Variants in CFAP61 observed in about 807,000 individuals in gnomAD.
The protein encoded by CFAP61 is cilia and flagella associated protein 61, also known as cilia- and flagella-associated protein 61.
A neutral mutation model predicts 135.6 loss-of-function variants in CFAP61; 107 were observed. That is an observed-to-expected ratio of 0.79 (90% confidence interval 0.67 to 0.93). CFAP61 has a LOEUF of 0.93. Among genes scored for constraint, CFAP61 ranks in the 40% least tolerant of loss-of-function variants. The probability of loss-of-function intolerance (pLI) is 0.00; values close to 1 mark genes in which losing one functional copy is unlikely to be tolerated. For missense variants in CFAP61, 1,507 were observed against 1,556.2 expected (o/e 0.97, Z 0.53); for synonymous variants, 575 against 578.5 (o/e 0.99, Z 0.09).
intron 2 of CFAP61, among the ~76,000 whole-genome samples, chr20:20,068,528 G>A (rs932554137): frequency 1.3e-5 from 2 of 152,142 alleles, no homozygotes; most frequent in Non-Finnish European, 2.9e-5. Flanking sequence ...CCTGGACCAG[G>A]AGCAGCCCTG....
chr20:20,270,342 G>C (rs2053245361), intron 21 of CFAP61, among the ~76,000 whole-genome samples: 1 of 152,120 alleles, frequency 6.6e-6, no homozygotes, highest in Non-Finnish European at 1.5e-5. Flanking sequence ...TGAAATGACA[G>C]CAGAGCACAA....
chr20:20,169,288 C>A, intron 12 of CFAP61, 33 bp from the exon 13 acceptor site: 1 of 1,567,906 alleles, frequency 6.4e-7, no homozygotes, highest in East Asian at 2.3e-5. Flanking sequence ...TTTTTTTATT[C>A]TTTCTCTGTG....
chr20:20,219,230 C>A (rs772825077), intron 17 of CFAP61, among the ~76,000 whole-genome samples: 1 of 152,184 alleles, frequency 6.6e-6, no homozygotes, highest in African/African-American at 2.4e-5. Context: ...AGGTTGGATG[C>A]TGCCCAGTTC....
At chr20:20,131,847 T>G (rs1430622030) in intron 8 of CFAP61, among the ~76,000 whole-genome samples, 1 of 152,096 alleles carries the variant, frequency 6.6e-6, no homozygotes, top group East Asian at 1.9e-4. Flanking sequence ...ATCAATATGT[T>G]TGAAATTTCA....
At chr20:20,144,547 T>G (rs2051700261) in intron 9 of CFAP61, among the ~76,000 whole-genome samples, 1 of 151,854 alleles carries the variant, frequency 6.6e-6, no homozygotes, top group Non-Finnish European at 1.5e-5. Context: ...TGGGGACAAC[T>G]TCAGAGACCT....
intron 6 of CFAP61, among the ~76,000 whole-genome samples, chr20:20,081,331 T>A (rs773865110): frequency 6.6e-6 from 1 of 152,222 alleles, no homozygotes; most frequent in Non-Finnish European, 1.5e-5. Flanking sequence ...TTGGGAATTA[T>A]CATTTTCTGG....
chr20:20,296,328 CT>C (rs1232944297), intron 24 of CFAP61, among the ~76,000 whole-genome samples: 8 of 25,142 alleles, frequency 3.2e-4, no homozygotes, highest in Non-Finnish European at 4.2e-4. Context: ...CCTTCCTTCC[CT>C]TCCTTCCTTC....
At chr20:20,340,007 A>G (rs983589746) in intron 25 of CFAP61, among the ~76,000 whole-genome samples, 6 of 152,186 alleles carry the variant, frequency 3.9e-5, no homozygotes, top group Non-Finnish European at 8.8e-5. Flanking sequence ...TTCACCTGGG[A>G]GCCTGTAGCT....
intron 4 of CFAP61, 127 bp from the exon 5 acceptor site, chr20:20,075,062 G>A: frequency 1.2e-6 from 1 of 825,152 alleles, no homozygotes; most frequent in South Asian, 1.5e-5. Flanking sequence ...TGCAGGTGGG[G>A]AGCAAAGGAG....
chr20:20,117,520 G>A (rs964121931), intron 8 of CFAP61, among the ~76,000 whole-genome samples: 14 of 152,288 alleles, frequency 9.2e-5, no homozygotes, highest in Admixed American at 2.0e-4. Context: ...GTCAGGTAGT[G>A]TGATGCCTCT....
At chr20:20,346,145 C>T (rs2058626155) in intron 26 of CFAP61, among the ~76,000 whole-genome samples, 1 of 139,846 alleles carries the variant, frequency 7.2e-6, no homozygotes, top group Admixed American at 6.9e-5. Flanking sequence ...TCATGATCCA[C>T]CCGCCTCGGC....
intron 8 of CFAP61, among the ~76,000 whole-genome samples, chr20:20,111,116 A>G (rs1177550407): frequency 6.6e-6 from 1 of 152,142 alleles, no homozygotes; most frequent in Non-Finnish European, 1.5e-5. Flanking sequence ...ATTTATAATC[A>G]CCCCAATTTT....
intron 20 of CFAP61, among the ~76,000 whole-genome samples, chr20:20,258,771 G>A (rs918510711): frequency 1.3e-5 from 2 of 152,170 alleles, no homozygotes; most frequent in African/African-American, 4.8e-5. Flanking sequence ...CCTGACTGCC[G>A]TTGAATGTTT....
At chr20:20,295,999 T>C (rs1400302566) in intron 24 of CFAP61, among the ~76,000 whole-genome samples, 3 of 97,306 alleles carry the variant, frequency 3.1e-5, no homozygotes, top group Non-Finnish European at 7.0e-5. Flanking sequence ...CCCTCCTTCC[T>C]TCCTTCCTTC....
rs902467426 is a variant in CFAP61, at chr20:20,159,448, G to A, written c.1026+4G>A. Reference sequence around the variant, plus strand: ...TGGAAATGTTAGTGAACCGGAGGTAGGGTTTGACGAGGGCCTTTGCGTGCC... The same window carrying A: ...TGGAAATGTTAGTGAACCGGAGGTAAGGTTTGACGAGGGCCTTTGCGTGCC... On this transcript the variant is annotated splice_donor_region_variant and intron_variant, in intron 10 of 26. Coordinates refer to ENST00000245957, the MANE Select transcript of CFAP61 (RefSeq NM_015585.4). 1.9e-6 allele frequency: 3 copies of A among 1,613,500 alleles called. No individual in the cohort carries two copies. The highest frequency in any genetic ancestry group is 1.3e-5 in the African/African-American group (1 of 74,906).
At chr20:20,323,870 G>T (rs1369120458) in intron 25 of CFAP61, among the ~76,000 whole-genome samples, 2 of 151,898 alleles carry the variant, frequency 1.3e-5, no homozygotes, top group Admixed American at 6.6e-5. Context: ...GTGCTGATTT[G>T]CAGCTTGCTA....
At chr20:20,307,820 A>G (rs2056569243) in intron 25 of CFAP61, among the ~76,000 whole-genome samples, 1 of 152,194 alleles carries the variant, frequency 6.6e-6, no homozygotes, top group South Asian at 2.1e-4. Context: ...GAGAGTCGAT[A>G]ATGTACCTCC....
At chr20:20,104,433 CTTA>C (rs1206291717) in intron 8 of CFAP61, among the ~76,000 whole-genome samples, 1 of 152,142 alleles carries the variant, frequency 6.6e-6, no homozygotes, top group Non-Finnish European at 1.5e-5. Flanking sequence ...TACATTAAGT[CTTA>C]TTGATTGTGT....
In CFAP61 at chr20:20,231,671, C is replaced by T. The variant is rs368726178; in HGVS notation, c.2060+3295C>T. ...AAGGACCCAGCCTTCTTTCCTGTCA[C>T]CTGCCCAGCCAGCGCAGGAGCATGC... On this transcript the variant is annotated intron_variant, in intron 18 of 26. Coordinates refer to ENST00000245957, the MANE Select transcript of CFAP61 (RefSeq NM_015585.4). 3.2e-4 allele frequency among the ~76,000 whole-genome samples: 49 copies of T among 152,304 alleles called. No individual in the cohort carries two copies. The East Asian group carries it at 6.0e-3, about 19-fold the overall frequency.
Sources: allele counts gnomAD v4.1 joint callset (sites outside exome capture counted in the v4.1 genomes callset), GRCh38; gene constraint gnomAD v4.1.1; transcripts MANE v1.5; gene names NCBI Gene and HGNC (gene_info 2026-07-23, HGNC 2026-07-21).